Variants in ENTREP2 observed in about 807,000 individuals in gnomAD.
ENTREP2 encodes the protein endosomal transmembrane epsin interactor 2.
chr15:29,207,209 G>C, the ENTREP2 span, among the ~76,000 whole-genome samples: 1 of 152,242 alleles, frequency 6.6e-6, no homozygotes, highest in African/African-American at 2.4e-5. Context: ...TTATTGGGGT[G>C]TTTCCCCTGT....
the ENTREP2 span, among the ~76,000 whole-genome samples, chr15:29,187,909 T>C: frequency 3.9e-5 from 6 of 152,100 alleles, no homozygotes; most frequent in South Asian, 2.1e-4. Flanking sequence ...AACAAAGAGA[T>C]AGCAGATATT....
the ENTREP2 span, among the ~76,000 whole-genome samples, chr15:29,292,154 T>C: frequency 2.0e-5 from 3 of 152,220 alleles, no homozygotes; most frequent in Non-Finnish European, 4.4e-5. Flanking sequence ...TTACTGCAAC[T>C]TTGCCAGCAC....
At chr15:29,362,363 T>C in the ENTREP2 span, among the ~76,000 whole-genome samples, 449 of 150,396 alleles carry the variant, frequency 3.0e-3, 6 homozygotes, top group African/African-American at 0.011. Flanking sequence ...ACCTTGTTTT[T>C]AATCTTTTTT....
the ENTREP2 span, among the ~76,000 whole-genome samples, chr15:29,415,767 C>T: frequency 6.6e-6 from 1 of 152,126 alleles, no homozygotes; most frequent in African/African-American, 2.4e-5. Context: ...TCTCAGCCCA[C>T]AATCTCCTTA....
the ENTREP2 span, among the ~76,000 whole-genome samples, chr15:29,666,355 C>G: frequency 6.6e-6 from 1 of 151,992 alleles, no homozygotes; most frequent in Admixed American, 6.6e-5. Context: ...ACCCATCTAA[C>G]CCATCAGCAA....
chr15:29,295,648 T>G, the ENTREP2 span, among the ~76,000 whole-genome samples: 1 of 152,194 alleles, frequency 6.6e-6, no homozygotes, highest in Non-Finnish European at 1.5e-5. Context: ...CCAGTAAAAC[T>G]ACTCTTGTGT....
the ENTREP2 span, among the ~76,000 whole-genome samples, chr15:29,407,206 C>G: frequency 6.6e-6 from 1 of 152,194 alleles, no homozygotes; most frequent in Non-Finnish European, 1.5e-5. Flanking sequence ...AACTGGGCAG[C>G]ATGTTACTGT....
chr15:29,670,287 C>G, the ENTREP2 span, among the ~76,000 whole-genome samples: 2 of 152,096 alleles, frequency 1.3e-5, no homozygotes, highest in African/African-American at 4.8e-5. Context: ...AAACAGGGTT[C>G]CAGAGGCAAG....
the ENTREP2 span, chr15:29,124,665 C>T: frequency 6.5e-7 from 1 of 1,549,236 alleles, no homozygotes; most frequent in Non-Finnish European, 8.7e-7. Flanking sequence ...AGTCAAAGCG[C>T]TTTAGAAAAG....
At chr15:29,473,054 G>T in the ENTREP2 span, among the ~76,000 whole-genome samples, 2 of 152,126 alleles carry the variant, frequency 1.3e-5, no homozygotes, top group South Asian at 2.1e-4. Context: ...CTTGAGGGTG[G>T]GGGAAGCAGG....
chr15:29,644,904 C>T, the ENTREP2 span, among the ~76,000 whole-genome samples: 30 of 151,144 alleles, frequency 2.0e-4, no homozygotes, highest in South Asian at 5.9e-3. Flanking sequence ...AAGTTACTAA[C>T]CCAGTCAGAA....
the ENTREP2 span, among the ~76,000 whole-genome samples, chr15:29,508,328 G>T: frequency 4.6e-5 from 7 of 152,176 alleles, no homozygotes; most frequent in East Asian, 1.2e-3. Context: ...GCACAAAGAG[G>T]AGCTGGTACT....
chr15:29,268,289 T>G, the ENTREP2 span: 1 of 152,778 alleles, frequency 6.5e-6, no homozygotes, highest in Non-Finnish European at 1.5e-5. Flanking sequence ...TACATTACAC[T>G]CATTGCTTGG....
chr15:29,369,907 C>T, the ENTREP2 span, among the ~76,000 whole-genome samples: 258 of 152,326 alleles, frequency 1.7e-3, 3 homozygotes, highest in East Asian at 0.032. Context: ...TTGCCTCTCA[C>T]GTTTTTCCCT....
the ENTREP2 span, among the ~76,000 whole-genome samples, chr15:29,548,983 G>C: frequency 3.3e-5 from 5 of 152,244 alleles, no homozygotes; most frequent in East Asian, 9.7e-4. Context: ...GATACTTTGG[G>C]AACAAATTGC....
chr15:29,165,355 A>G, the ENTREP2 span, among the ~76,000 whole-genome samples: 2 of 152,170 alleles, frequency 1.3e-5, no homozygotes, highest in Non-Finnish European at 2.9e-5. Context: ...GAAACAAACA[A>G]ACAAACAAAA....
At chr15:29,298,687 A>G in the ENTREP2 span, among the ~76,000 whole-genome samples, 6 of 152,210 alleles carry the variant, frequency 3.9e-5, no homozygotes, top group South Asian at 2.1e-4. Flanking sequence ...ATTTGAATAT[A>G]TTGTAACTAT....
At chr15:29,498,286 C>G in the ENTREP2 span, among the ~76,000 whole-genome samples, 2 of 152,160 alleles carry the variant, frequency 1.3e-5, no homozygotes, top group Non-Finnish European at 2.9e-5. Context: ...ATCTTTATAA[C>G]AGTGTGAGAA....
chr15:29,523,625 G>A, the ENTREP2 span, among the ~76,000 whole-genome samples: 30 of 127,560 alleles, frequency 2.4e-4, no homozygotes, highest in African/African-American at 8.0e-4. Context: ...TAATTCATAC[G>A]GAAATGCTTG....
Sources: gnomAD v4.1 joint callset for allele counts (sites outside exome capture counted in the v4.1 genomes callset) on GRCh38, gnomAD v4.1.1 for gene constraint, MANE v1.5 for transcripts, NCBI Gene and HGNC (gene_info 2026-07-23, HGNC 2026-07-21) for gene names.